The following FRMPD4 variants were observed in gnomAD, a reference collection of about 807,000 sequenced individuals.
FRMPD4 encodes FERM and PDZ domain-containing protein 4.
In FRMPD4, 22 loss-of-function variants were observed where a neutral mutation model predicts 94.1. That is an observed-to-expected ratio of 0.23 (90% CI 0.17 to 0.33). The LOEUF (loss-of-function observed/expected upper bound fraction) is 0.33. FRMPD4 is among the 10% of genes least tolerant of loss of function. The pLI is 1.00. For missense variants in FRMPD4, 1,111 were observed against 1,339.9 expected (o/e 0.83, Z 2.67); for synonymous variants, 631 against 548.6 (o/e 1.15, Z -2.10).
At chrX:12,700,418 C>T (rs930299230) in intron 9 of FRMPD4, among the ~76,000 whole-genome samples, 12 of 112,253 alleles carry the variant, frequency 1.1e-4, no homozygotes, top group Admixed American at 6.6e-4. Context: ...AGCAATGCAG[C>T]GCTTCCCAGC....
At chrX:12,152,073 A>G (rs2055859258) in intron 1 of FRMPD4, among the ~76,000 whole-genome samples, 1 of 112,080 alleles carries the variant, frequency 8.9e-6, no homozygotes, top group African/African-American at 3.2e-5. Context: ...TAACCCAGTG[A>G]CAAGACTTGA....
chrX:11,877,400 A>G (rs975759076), intron 2 of FRMPD4, among the ~76,000 whole-genome samples: 13 of 111,260 alleles, frequency 1.2e-4, no homozygotes, highest in African/African-American at 3.9e-4. Context: ...GAGCAAATAC[A>G]CATTTTTCAT....
rs924211604 is a variant in FRMPD4, at chrX:11,841,317, G to A, written c.-161+18602G>A. Among the ~76,000 whole-genome samples the A allele has an allele frequency of 3.6e-5, 4 of 110,720 alleles. No individual in the cohort carries two copies. The East Asian group carries it at 8.6e-4, about 24-fold the overall frequency. ...TCTAGTTCTAGGTCCCTGAGGAATC[G>A]CCACACTGACTTCCACAATGGTTGA... On this transcript the variant is annotated intron_variant, in intron 1 of 18. Transcript: ENST00000640291.
At chrX:12,073,251 C>G in intron 3 of FRMPD4, among the ~76,000 whole-genome samples, 1 of 111,381 alleles carries the variant, frequency 9.0e-6, no homozygotes, top group African/African-American at 3.3e-5. Context: ...GGCCAGAGTT[C>G]CCAAACATTT....
intron 1 of FRMPD4, among the ~76,000 whole-genome samples, chrX:12,454,223 T>C (rs1275804127): frequency 8.9e-6 from 1 of 112,476 alleles, no homozygotes. Context: ...AATGAGCTTA[T>C]CTTTTTCCTA....
intron 4 of FRMPD4, among the ~76,000 whole-genome samples, chrX:12,668,216 G>A (rs945571784): frequency 4.1e-4 from 45 of 110,106 alleles, no homozygotes; most frequent in African/African-American, 1.4e-3. Flanking sequence ...TCCTAGGATC[G>A]TTGGGTTAGG....
intron 1 of FRMPD4, among the ~76,000 whole-genome samples, chrX:12,380,001 C>T (rs1322249530): frequency 2.7e-5 from 3 of 110,903 alleles, no homozygotes; most frequent in Non-Finnish European, 3.8e-5. Context: ...GCAAAGTCTC[C>T]GGGGGAAATC....
At chrX:12,065,106 A>G (rs1450493390) in intron 3 of FRMPD4, among the ~76,000 whole-genome samples, 3 of 112,563 alleles carry the variant, frequency 2.7e-5, no homozygotes, top group African/African-American at 9.7e-5. Flanking sequence ...ATCCTATTGA[A>G]TACTATTGAA....
chrX:12,679,192 G>T (rs947148426), intron 5 of FRMPD4, among the ~76,000 whole-genome samples: 6 of 107,187 alleles, frequency 5.6e-5, no homozygotes, highest in Non-Finnish European at 1.2e-4. Context: ...CATGGAGCAG[G>T]CCACAAGTGC....
At chrX:11,952,408 T>C (rs1329605466) in intron 3 of FRMPD4, among the ~76,000 whole-genome samples, 2 of 112,087 alleles carry the variant, frequency 1.8e-5, no homozygotes. Flanking sequence ...AAAGTCATGT[T>C]TATCAGAGGA....
chrX:12,475,653 T>C (rs1039225936), intron 1 of FRMPD4, among the ~76,000 whole-genome samples: 1 of 111,976 alleles, frequency 8.9e-6, no homozygotes, highest in Non-Finnish European at 1.9e-5. Context: ...ATCACAAGCA[T>C]TCTTATACAC....
intron 2 of FRMPD4, among the ~76,000 whole-genome samples, chrX:12,520,334 A>T (rs1454509296): frequency 8.9e-6 from 1 of 112,230 alleles, no homozygotes; most frequent in Non-Finnish European, 1.9e-5. Context: ...CATATGGAAA[A>T]CAAAATGGTG....
Position 12,720,598 on chromosome X carries a change from A to G in FRMPD4, c.4029A>G (p.Glu1343=). ...GMPSAWSQHP[E]ADPILLPSNI... ...CTTCAGCTTGGTCTCAACATCCTGA[A>G]GCTGATCCCATCCTGCTACCATCAA... Residue 1343 remains glutamate, a synonymous_variant, in exon 17 of 17, where the codon GAA becomes GAG. Transcript: ENST00000675598. The G allele has an allele frequency of 8.3e-7, 1 of 1,200,155 alleles. No individual in the cohort carries two copies. The highest frequency in any genetic ancestry group is 1.8e-5 in the South Asian group (1 of 55,020).
rs762378183 is a variant in FRMPD4, at chrX:12,445,028, G to A, written c.42-53652G>A. On this transcript the variant is annotated intron_variant, in intron 1 of 16. Coordinates refer to ENST00000675598, the MANE Select transcript of FRMPD4 (RefSeq NM_001368397.1). ...AAAGTTCCTGTTCTTGATCCTTTGG[G>A]AGCTCTCTCATTATCCCTGTCTTAG... 7.1e-5 allele frequency among the ~76,000 whole-genome samples: 8 copies of A among 112,007 alleles called. No homozygotes were observed. In the South Asian group the frequency reaches 1.1e-3, roughly 16 times the overall value.
chrX:12,346,012 T>G (rs1392429712), intron 1 of FRMPD4, among the ~76,000 whole-genome samples: 1 of 106,948 alleles, frequency 9.4e-6, no homozygotes, highest in Admixed American at 9.9e-5. Flanking sequence ...TTGAAATACC[T>G]TTTGTATGAG....
chrX:12,105,143 T>G (rs1347370489), intron 3 of FRMPD4, among the ~76,000 whole-genome samples: 2 of 111,573 alleles, frequency 1.8e-5, no homozygotes, highest in African/African-American at 6.5e-5. Context: ...ATTTTGCCCA[T>G]GAGCAAAGCT....
chrX:12,528,536 G>A (rs749101519), intron 2 of FRMPD4, among the ~76,000 whole-genome samples: 6 of 109,823 alleles, frequency 5.5e-5, no homozygotes, highest in African/African-American at 9.9e-5. Flanking sequence ...GGCCAGGCTC[G>A]TCTTGAACTC....
chrX:11,917,594 A>G (rs2054031555), intron 3 of FRMPD4, among the ~76,000 whole-genome samples: 2 of 112,282 alleles, frequency 1.8e-5, no homozygotes. Flanking sequence ...TTGCAGCAAC[A>G]TGGATACAGC....
rs193270754 is a variant in FRMPD4 at position 12,595,174 on chromosome X, G to T, written c.159-14547G>T. 2.7e-5 allele frequency among the ~76,000 whole-genome samples: 3 copies of T among 111,637 alleles called. No individual in the cohort carries two copies. In the Admixed American group the frequency reaches 2.8e-4, roughly 11 times the overall value. On this transcript the variant is annotated intron_variant, in intron 2 of 16. Coordinates refer to ENST00000675598, the MANE Select transcript of FRMPD4 (RefSeq NM_001368397.1). ...TGAACGTCAATTATTGAAGAGAATT[G>T]AATGTCTTCCTTGTGAGGAAGACAG...
Sources: gnomAD v4.1 joint callset for allele counts (sites outside exome capture counted in the v4.1 genomes callset) on GRCh38, gnomAD v4.1.1 for gene constraint, MANE v1.5 for transcripts, NCBI Gene and HGNC (gene_info 2026-07-23, HGNC 2026-07-21) for gene names.